Variants in ELP3 observed in about 807,000 individuals in gnomAD.
ELP3 encodes elongator acetyltransferase complex subunit 3.
ELP3 carries 56 observed loss-of-function variants against 74.9 expected under a neutral mutation model. That is an observed-to-expected ratio of 0.75 (90% CI 0.60 to 0.93). ELP3 has a LOEUF of 0.93. Among genes scored for constraint, ELP3 ranks in the 40% least tolerant of loss-of-function variants. The probability of loss-of-function intolerance (pLI) is 0.00; values close to 1 mark genes in which losing one functional copy is unlikely to be tolerated. For synonymous variants in ELP3, 222 were observed against 239.8 expected, an observed-to-expected ratio of 0.93 and a Z score of 0.68; for missense variants, 573 against 686.5, an observed-to-expected ratio of 0.83 and a Z score of 1.85.
At chr8:28,091,648 G>C (rs1052693573), upstream of ELP3, among the ~76,000 whole-genome samples, 1 of 152,158 alleles carries the variant, frequency 6.6e-6, no homozygotes, top group Non-Finnish European at 1.5e-5. Context: ...ATGGGTTTCA[G>C]GAAAACATCC....
chr8:28,132,238 TAGGTAGTGATTTTCAC>T (rs1293840649), intron 8 of ELP3, 24 bp from the exon 9 acceptor site: 5 of 1,610,718 alleles, frequency 3.1e-6, no homozygotes, highest in East Asian at 4.5e-5. Flanking sequence ...GTTACACAAA[TAGGTAGTGATTTTCAC>T]AGGTAGTGAT....
chr8:28,144,557 C>T (rs558498053), intron 10 of ELP3, among the ~76,000 whole-genome samples: 1 of 152,316 alleles, frequency 6.6e-6, no homozygotes, highest in African/African-American at 2.4e-5. Context: ...GAGGTTGAGG[C>T]TGCAATAAGA....
At chr8:28,139,728 T>G (rs1813149653) in intron 10 of ELP3, among the ~76,000 whole-genome samples, 1 of 152,200 alleles carries the variant, frequency 6.6e-6, no homozygotes, top group African/African-American at 2.4e-5. Flanking sequence ...GCGGATTACC[T>G]GAGGTCAGGA....
intron 10 of ELP3, among the ~76,000 whole-genome samples, chr8:28,149,181 C>T (rs917714467): frequency 2.0e-5 from 3 of 152,192 alleles, no homozygotes; most frequent in Non-Finnish European, 2.9e-5. Flanking sequence ...TAGAGCAGCT[C>T]GAACAGACTC....
chr8:28,140,959 CA>C (rs909735092), intron 10 of ELP3, among the ~76,000 whole-genome samples: 7 of 152,138 alleles, frequency 4.6e-5, no homozygotes, highest in African/African-American at 1.7e-4. Flanking sequence ...AAACAGTCGA[CA>C]AAAATATTGT....
intron 3 of ELP3, among the ~76,000 whole-genome samples, chr8:28,104,382 G>A (rs1811604718): frequency 6.6e-6 from 1 of 152,074 alleles, no homozygotes; most frequent in Non-Finnish European, 1.5e-5. Flanking sequence ...ATTTGAGTTC[G>A]TGTTTGTGTT....
intron 13 of ELP3, among the ~76,000 whole-genome samples, chr8:28,161,629 A>G (rs1246316625): frequency 1.3e-5 from 2 of 150,556 alleles, no homozygotes; most frequent in African/African-American, 2.5e-5. Flanking sequence ...AAAAAAAAAA[A>G]GTAGAGAGGT....
At chr8:28,149,587 C>G (rs1443205591) in intron 10 of ELP3, among the ~76,000 whole-genome samples, 1 of 152,156 alleles carries the variant, frequency 6.6e-6, no homozygotes, top group African/African-American at 2.4e-5. Flanking sequence ...TGGCTAGAGG[C>G]TAATCAGCTT....
chr8:28,153,354 T>C (rs1317924302), intron 10 of ELP3, among the ~76,000 whole-genome samples: 1 of 152,240 alleles, frequency 6.6e-6, no homozygotes, highest in East Asian at 1.9e-4. Context: ...TTGCCACTTA[T>C]CAGATTAGTG....
upstream of ELP3, chr8:28,090,480 T>G (rs1032978207): frequency 2.9e-4 from 59 of 201,670 alleles, no homozygotes; most frequent in Non-Finnish European, 5.1e-4. Context: ...GTCTGATGGG[T>G]GGGTGTGTGT....
intron 1 of ELP3, among the ~76,000 whole-genome samples, chr8:28,096,162 C>A (rs1416243695): frequency 2.6e-5 from 4 of 152,182 alleles, no homozygotes; most frequent in African/African-American, 9.7e-5. Context: ...CTGTCACTGT[C>A]TCCCATCACC....
intron 10 of ELP3, among the ~76,000 whole-genome samples, chr8:28,138,224 G>GAGCATA (rs1456154168): frequency 6.6e-6 from 1 of 152,152 alleles, no homozygotes; most frequent in Non-Finnish European, 1.5e-5. Context: ...TAATGGGTAT[G>GAGCATA]AGCATAAGAA....
chr8:28,158,988 T>C (rs1404819878), intron 12 of ELP3, among the ~76,000 whole-genome samples: 1 of 152,202 alleles, frequency 6.6e-6, no homozygotes, highest in East Asian at 1.9e-4. Context: ...TAATTTAAAA[T>C]AAATTCAATT....
At chr8:28,165,787 A>G (rs1441201361) in intron 14 of ELP3, among the ~76,000 whole-genome samples, 2 of 152,184 alleles carry the variant, frequency 1.3e-5, no homozygotes, top group Non-Finnish European at 2.9e-5. Context: ...TCACTATAGA[A>G]AGACTCTGGG....
In ELP3 at chr8:28,160,236, T is replaced by C; in HGVS notation, c.1265T>C (p.Leu422Ser). Residue 422 changes from leucine to serine, a missense_variant, in exon 13 of 15, where the codon TTG becomes TCG. Transcript: ENST00000256398. Reference sequence around the variant, plus strand: ...TGGCTTTTTACTAAATAGGTTGAATTGGTAAGGAGAGATTATGTTGCAAAT... The same window carrying C: ...TGGCTTTTTACTAAATAGGTTGAATCGGTAAGGAGAGATTATGTTGCAAAT... ...HHKVRPYQVE[L>S]VRRDYVANGG... 1 of 1,610,288 alleles carries C rather than the reference T, an allele frequency of 6.2e-7. No homozygotes were observed. The highest frequency in any genetic ancestry group is 2.2e-5 in the East Asian group (1 of 44,816).
intron 4 of ELP3, among the ~76,000 whole-genome samples, chr8:28,107,599 A>G (rs2130380045): frequency 6.6e-6 from 1 of 152,210 alleles, no homozygotes; most frequent in East Asian, 1.9e-4. Context: ...TTCCCAAGAG[A>G]ACACTGAGTA....
chr8:28,091,532 G>A (rs79108153), upstream of ELP3, among the ~76,000 whole-genome samples: 2,054 of 152,238 alleles, frequency 0.013, 40 homozygotes, highest in African/African-American at 0.042. Context: ...GTGTCATAGT[G>A]GGGTCAAAGC....
chr8:28,138,957 T>C (rs1813107346), intron 10 of ELP3, among the ~76,000 whole-genome samples: 2 of 152,158 alleles, frequency 1.3e-5, no homozygotes, highest in South Asian at 4.1e-4. Flanking sequence ...CCCCTTGTTG[T>C]TCAACCCTTC....
intron 14 of ELP3, among the ~76,000 whole-genome samples, chr8:28,188,434 A>G (rs1585770921): frequency 6.6e-6 from 1 of 152,078 alleles, no homozygotes; most frequent in Non-Finnish European, 1.5e-5. Context: ...AAATGAAGCC[A>G]TGAGGAGAGG....
Sources: gnomAD v4.1 joint callset for allele counts (sites outside exome capture counted in the v4.1 genomes callset) on GRCh38, gnomAD v4.1.1 for gene constraint, MANE v1.5 for transcripts, NCBI Gene and HGNC (gene_info 2026-07-23, HGNC 2026-07-21) for gene names.